Variants in ITCH observed in about 807,000 individuals in gnomAD.
ITCH encodes the protein E3 ubiquitin-protein ligase Itchy homolog.
In ITCH, 28 loss-of-function variants were observed where a neutral mutation model predicts 126.8. The observed-to-expected ratio is 0.22, with a 90% CI of 0.16 to 0.30. ITCH has a LOEUF of 0.30. Ranked by LOEUF, ITCH falls within the 10% of genes least tolerant of loss-of-function variation. ITCH has a pLI of 1.00. For synonymous variants in ITCH, 342 were observed against 340.0 expected (o/e 1.01, Z -0.06); for missense variants, 631 against 1,032.4 (o/e 0.61, Z 5.33).
chr20:34,488,116 A>G (rs1989256315), intron 20 of ITCH, among the ~76,000 whole-genome samples: 1 of 148,966 alleles, frequency 6.7e-6, no homozygotes, highest in Non-Finnish European at 1.5e-5. Flanking sequence ...TCACATTACT[A>G]TTTCTGGTTC....
At chr20:34,367,838 A>C (rs2037474466) in intron 1 of ITCH, among the ~76,000 whole-genome samples, 1 of 152,224 alleles carries the variant, frequency 6.6e-6, no homozygotes, top group African/African-American at 2.4e-5. Flanking sequence ...ATCAATGTGC[A>C]CTACTGAAGA....
At chr20:34,456,698 A>AAT (rs1986041245) in intron 12 of ITCH, among the ~76,000 whole-genome samples, 1 of 148,990 alleles carries the variant, frequency 6.7e-6, no homozygotes, top group Non-Finnish European at 1.5e-5. Flanking sequence ...ATGTATATTT[A>AAT]ATATATATCA....
intron 23 of ITCH, among the ~76,000 whole-genome samples, chr20:34,497,284 T>C (rs889797910): frequency 6.6e-6 from 1 of 151,688 alleles, no homozygotes. Flanking sequence ...CATGAGCCAC[T>C]GTGCCCAGCC....
At chr20:34,474,977 G>A (rs1012313213) in intron 16 of ITCH, among the ~76,000 whole-genome samples, 2 of 151,854 alleles carry the variant, frequency 1.3e-5, no homozygotes, top group African/African-American at 4.8e-5. Context: ...CCTCCCAGAC[G>A]GGGTCGCGGC....
intron 2 of ITCH, among the ~76,000 whole-genome samples, chr20:34,380,809 A>T (rs951293419): frequency 1.3e-4 from 20 of 151,844 alleles, no homozygotes; most frequent in Non-Finnish European, 2.2e-4. Context: ...TATTTTTGAG[A>T]CAGAGTCTCA....
intron 14 of ITCH, among the ~76,000 whole-genome samples, chr20:34,469,220 TAAAC>T (rs948602281): frequency 1.7e-5 from 2 of 117,984 alleles, no homozygotes; most frequent in Admixed American, 8.0e-5. Context: ...GGGCAAATTA[TAAAC>T]ACACACACAC....
chr20:34,471,043 G>T (rs542876274), intron 15 of ITCH, among the ~76,000 whole-genome samples: 2 of 152,178 alleles, frequency 1.3e-5, no homozygotes, highest in South Asian at 2.1e-4. Context: ...TGGAATTAAT[G>T]ATTTTTTATG....
intron 2 of ITCH, among the ~76,000 whole-genome samples, chr20:34,377,294 A>C (rs1395805074): frequency 6.6e-6 from 1 of 152,110 alleles, no homozygotes; most frequent in Non-Finnish European, 1.5e-5. Flanking sequence ...GTATTGCTGG[A>C]AACAGGGAGG....
At chr20:34,419,846 T>TA (rs993073092) in intron 6 of ITCH, among the ~76,000 whole-genome samples, 10 of 152,214 alleles carry the variant, frequency 6.6e-5, no homozygotes, top group Non-Finnish European at 1.0e-4. Flanking sequence ...CATTCACTTT[T>TA]ACTGCTGCAT....
chr20:34,451,506 T>C (rs185724052), intron 12 of ITCH, among the ~76,000 whole-genome samples: 1 of 152,252 alleles, frequency 6.6e-6, no homozygotes, highest in East Asian at 1.9e-4. Flanking sequence ...TTACCAAAGC[T>C]TGGCAGCCTG....
At position 34,422,571 on chromosome 20, in the gene ITCH, A is replaced by AT. The variant is rs11479074; in HGVS notation, c.476-1899dup. ...TAGCCAAAATGTATTTCATTGTACC[A>AT]TTTTTTTTTTACCACATTAACATCT... On this transcript the variant is annotated intron_variant, in intron 6 of 24. Coordinates refer to ENST00000374864, the MANE Select transcript of ITCH (RefSeq NM_031483.7). Among the ~76,000 whole-genome samples the AT allele has an allele frequency of 5.8e-3, 868 of 150,666 alleles. 7 individuals are homozygous for AT. The highest frequency in any genetic ancestry group is 6.1e-3 in the Non-Finnish European group (411 of 67,538).
At chr20:34,369,177 A>G (rs2037527467) in intron 1 of ITCH, among the ~76,000 whole-genome samples, 1 of 152,096 alleles carries the variant, frequency 6.6e-6, no homozygotes, top group Non-Finnish European at 1.5e-5. Context: ...AAAATACGAA[A>G]GTTAGCCAGG....
chr20:34,445,334 A>G lies in ITCH; in HGVS notation c.1013A>G (p.His338Arg), dbSNP rs1984323555. 3.1e-6 allele frequency: 5 copies of G among 1,610,274 alleles called. No homozygotes were observed. Among genetic ancestry groups the G allele is most frequent in the Non-Finnish European group, 4.2e-6 (5 of 1,179,582 alleles). The change falls in exon 11 of 25, where the codon CAT becomes CGT. Residue 338 changes from histidine to arginine, a missense_variant. His to Arg is a conservative substitution (Grantham distance 29). Around this residue, in one of 4 missense-constraint regions of ITCH, gnomAD observed 390 missense variants for 731.6 expected, o/e 0.53. Transcript: ENST00000374864. ...DNMGRIYYVD[H>R]FTRTTTWQRP... ...ATGGGACGTATTTATTATGTTGACC[A>G]TTTCACAAGAACAACAACGTGGCAG...
chr20:34,465,540 G>A (rs1303285492), intron 14 of ITCH, among the ~76,000 whole-genome samples: 4 of 152,090 alleles, frequency 2.6e-5, no homozygotes, highest in African/African-American at 9.7e-5. Flanking sequence ...ACAATATTAA[G>A]TCTTCCAATC....
At chr20:34,394,103 T>C (rs914331849) in intron 3 of ITCH, among the ~76,000 whole-genome samples, 1 of 150,182 alleles carries the variant, frequency 6.7e-6, no homozygotes, top group Non-Finnish European at 1.5e-5. Flanking sequence ...TCCCAGCTAC[T>C]CCGGAGGCTG....
chr20:34,418,209 C>T (rs2146197283), intron 6 of ITCH, among the ~76,000 whole-genome samples: 1 of 152,202 alleles, frequency 6.6e-6, no homozygotes, highest in South Asian at 2.1e-4. Flanking sequence ...AGGCAATCCT[C>T]CTGCTTCGGC....
chr20:34,437,194 T>C (rs1983124424), intron 7 of ITCH, among the ~76,000 whole-genome samples: 1 of 152,184 alleles, frequency 6.6e-6, no homozygotes, highest in African/African-American at 2.4e-5. Flanking sequence ...TTGACTGTAG[T>C]ACTTTTTTTC....
intron 24 of ITCH, among the ~76,000 whole-genome samples, chr20:34,506,113 G>A (rs192353886): frequency 6.6e-6 from 1 of 152,154 alleles, no homozygotes; most frequent in Non-Finnish European, 1.5e-5. Context: ...CACCCAGGCT[G>A]GAGTGCTGTA....
intron 3 of ITCH, chr20:34,402,672 C>T (rs1358800285): frequency 1.8e-6 from 1 of 543,742 alleles, no homozygotes; most frequent in Non-Finnish European, 3.5e-6. Context: ...CCATCACCCA[C>T]AACAACACAC....
Sources: gnomAD v4.1 joint callset for allele counts (sites outside exome capture counted in the v4.1 genomes callset) on GRCh38, gnomAD v4.1.1 for gene constraint, gnomAD v4.1.1 regional missense constraint, MANE v1.5 for transcripts, NCBI Gene and HGNC (gene_info 2026-07-23, HGNC 2026-07-21) for gene names.